C6orf58: variants seen among roughly 807,000 people sequenced by gnomAD.
C6orf58 encodes protein LEG1 homolog.
Under a neutral mutation model 37.0 loss-of-function variants are expected in C6orf58, and 30 were observed. The ratio of observed to expected loss-of-function variants is 0.81; its 90% confidence interval spans 0.61 to 1.10. The LOEUF (loss-of-function observed/expected upper bound fraction) is 1.10, where lower values mean the gene tolerates loss of function less well. Among genes scored for constraint, C6orf58 ranks in the 50% least tolerant of loss-of-function variants. The pLI is 0.00. For missense variants in C6orf58, 368 were observed against 387.5 expected (o/e 0.95, Z 0.42); for synonymous variants, 143 against 134.1 (o/e 1.07, Z -0.46).
intron 4 of C6orf58, among the ~76,000 whole-genome samples, chr6:127,584,783 C>CAA (rs34714127): frequency 4.2e-5 from 5 of 119,644 alleles, no homozygotes; most frequent in Non-Finnish European, 5.5e-5. Context: ...ACTCCATCTC[C>CAA]AAAAAAAAAA....
intron 4 of C6orf58, among the ~76,000 whole-genome samples, chr6:127,588,021 C>G (rs1775123822): frequency 6.6e-6 from 1 of 152,162 alleles, no homozygotes; most frequent in Admixed American, 6.5e-5. Flanking sequence ...TGTTGTACAA[C>G]TGTGTTTATT....
intron 4 of C6orf58, among the ~76,000 whole-genome samples, chr6:127,588,697 G>T (rs1457192877): frequency 2.0e-5 from 3 of 152,120 alleles, no homozygotes; most frequent in Non-Finnish European, 1.5e-5. Context: ...TGATGCATTT[G>T]AAGAGTTTAT....
At chr6:127,590,608 A>G (rs976081496) in intron 5 of C6orf58, among the ~76,000 whole-genome samples, 2 of 152,074 alleles carry the variant, frequency 1.3e-5, no homozygotes, top group Admixed American at 6.6e-5. Context: ...TTTGTTCTAC[A>G]TACCGATATA....
At chr6:127,587,900 C>T (rs878964288) in intron 4 of C6orf58, among the ~76,000 whole-genome samples, 1 of 152,172 alleles carries the variant, frequency 6.6e-6, no homozygotes, top group Non-Finnish European at 1.5e-5. Flanking sequence ...ATTTTAAAGG[C>T]AAATTGACAG....
chr6:127,577,273 C>G lies in C6orf58; in HGVS notation c.88C>G (p.Pro30Ala), dbSNP rs778407925. 2 of 1,610,628 alleles carry G rather than the reference C, an allele frequency of 1.2e-6. No homozygotes were observed. Among genetic ancestry groups the G allele is most frequent in the African/African-American group, 2.7e-5 (2 of 74,836 alleles). The change falls in exon 1 of 6, where the codon CCC (proline) becomes GCC (alanine). Residue 30 changes from proline to alanine, a missense_variant. By Grantham distance (27) the Pro-to-Ala change is conservative. Transcript: ENST00000329722. ...GACTTCCAATCTCTCAGAGACAGAG[C>G]CCCCTCTGTGGAAGGAGAGTCCTGG... ...AGTSNLSETE[P>A]PLWKESPGQL...
In C6orf58 at chr6:127,577,424, C is replaced by G; in HGVS notation, c.239C>G (p.Pro80Arg). 1.2e-6 allele frequency: 2 copies of G among 1,613,560 alleles called. No homozygotes were observed. Among genetic ancestry groups the G allele is most frequent in the South Asian group, 2.2e-5 (2 of 91,070 alleles). The change falls in exon 1 of 6, where the codon CCA becomes CGA. Residue 80 changes from proline to arginine, a missense_variant. Transcript: ENST00000329722. ...GCCAGGTATTTTGCAAAATTTGCAC[C>G]AGATAATGAACAGAATATTTTATGG... ...QTARYFAKFAPDNEQNILWGL... is the reference protein window; with the variant it reads ...QTARYFAKFARDNEQNILWGL...
Position 127,581,176 on chromosome 6 carries a change from C to T in C6orf58, c.574-6C>T. ...AATATTAATAAATTTGACCTCTTTA[C>T]CTTAGTATTTGCAGTCACCTTTTAG... On this transcript the variant is annotated splice_polypyrimidine_tract_variant and splice_region_variant and intron_variant, in intron 3 of 5. Transcript: ENST00000329722. 7.1e-7 allele frequency: 1 copy of T among 1,408,470 alleles called. No homozygotes were observed. The highest frequency in any genetic ancestry group is 9.6e-7 in the Non-Finnish European group (1 of 1,039,030). The allele number at this position is 1,408,470 out of a possible 1,614,324, so 87.2% of individuals were successfully genotyped here.
intron 4 of C6orf58, among the ~76,000 whole-genome samples, chr6:127,585,615 C>T (rs1775099117): frequency 6.6e-6 from 1 of 152,092 alleles, no homozygotes; most frequent in Non-Finnish European, 1.5e-5. Flanking sequence ...TAAAGAAAAA[C>T]TTTTCACAGT....
In C6orf58 at chr6:127,578,778, T is replaced by C. The variant is rs200544940; in HGVS notation, c.388+6T>C. 6.9e-6 allele frequency: 11 copies of C among 1,602,070 alleles called. No homozygotes were observed. The highest frequency in any genetic ancestry group is 9.4e-6 in the Non-Finnish European group (11 of 1,170,098). On this transcript the variant is annotated splice_donor_region_variant and intron_variant, in intron 2 of 5. Coordinates refer to ENST00000329722, the MANE Select transcript of C6orf58 (RefSeq NM_001010905.3). ...TGTGGACAGTTGGTGGGCTGGTATG[T>C]TCGTTTAAGTGGCAAAATAGATATT...
intron 4 of C6orf58, among the ~76,000 whole-genome samples, chr6:127,588,157 T>G (rs1775125096): frequency 1.3e-5 from 2 of 152,230 alleles, no homozygotes; most frequent in South Asian, 4.1e-4. Context: ...CCCCGTCTCA[T>G]TCTACATCAG....
In C6orf58 at chr6:127,578,780, C is replaced by T. The variant is rs141247870; in HGVS notation, c.388+8C>T. On this transcript the variant is annotated splice_region_variant and intron_variant, in intron 2 of 5. Transcript: ENST00000329722. ...TGGACAGTTGGTGGGCTGGTATGTT[C>T]GTTTAAGTGGCAAAATAGATATTAA... is the stretch of plus-strand genomic sequence containing the variant. 4.4e-4 allele frequency: 705 copies of T among 1,598,654 alleles called. 10 individuals are homozygous for T. In the East Asian group the frequency reaches 0.015, roughly 34 times the overall value.
chr6:127,587,658 C>T (rs886660688), intron 4 of C6orf58, among the ~76,000 whole-genome samples: 1 of 152,110 alleles, frequency 6.6e-6, no homozygotes, highest in Admixed American at 6.6e-5. Flanking sequence ...TTTGAAGTTC[C>T]ACAGACCTGA....
chr6:127,577,748 T>A lies in C6orf58; in HGVS notation c.301+262T>A, dbSNP rs115930075. Among the ~76,000 whole-genome samples, 647 of 152,280 alleles carry A rather than the reference T, an allele frequency of 4.2e-3. 6 individuals are homozygous for A. The highest frequency in any genetic ancestry group is 0.015 in the African/African-American group (622 of 41,580). On this transcript the variant is annotated intron_variant, in intron 1 of 5. Coordinates refer to ENST00000329722, the MANE Select transcript of C6orf58 (RefSeq NM_001010905.3). ...CTGTGAAAAGACATCACATCTCATC[T>A]ATTGAGCATTTCACAAATATTTGTT... is the stretch of plus-strand genomic sequence containing the variant.
chr6:127,580,189 C>T, intron 2 of C6orf58, 76 bp from the exon 3 acceptor site: 5 of 1,158,128 alleles, frequency 4.3e-6, no homozygotes, highest in East Asian at 2.4e-5. Flanking sequence ...TTTTTTATGA[C>T]TTATGCCTTC....
In C6orf58 at chr6:127,577,392, T is replaced by A. The variant is rs147056569; in HGVS notation, c.207T>A (p.Asn69Lys). Residue 69 changes from asparagine (N) to lysine (K), a missense_variant, in exon 1 of 6, where the codon AAT (asparagine) becomes AAA (lysine). Coordinates refer to ENST00000329722, the MANE Select transcript of C6orf58 (RefSeq NM_001010905.3). Reference protein sequence around the residue: ...ERMGMYKIILNQTARYFAKFA... With the variant: ...ERMGMYKIILKQTARYFAKFA... ...TGGGGATGTATAAAATCATATTGAA[T>A]CAGACAGCCAGGTATTTTGCAAAAT... is the stretch of plus-strand genomic sequence containing the variant. 5.1e-5 allele frequency: 82 copies of A among 1,613,584 alleles called. No homozygotes were observed. In the African/African-American group the frequency reaches 1.0e-3, roughly 20 times the overall value.
At chr6:127,591,155 T>C (rs2114303013) in intron 5 of C6orf58, among the ~76,000 whole-genome samples, 1 of 152,288 alleles carries the variant, frequency 6.6e-6, no homozygotes, top group South Asian at 2.1e-4. Context: ...CCAAGTCTTC[T>C]TCATTCTGTG....
At chr6:127,583,855 C>T (rs1775076105) in intron 4 of C6orf58, among the ~76,000 whole-genome samples, 1 of 152,108 alleles carries the variant, frequency 6.6e-6, no homozygotes, top group Non-Finnish European at 1.5e-5. Flanking sequence ...TTTAGAAGAA[C>T]ATGAGATATA....
At chr6:127,584,857 G>T (rs1297694041) in intron 4 of C6orf58, among the ~76,000 whole-genome samples, 3 of 151,848 alleles carry the variant, frequency 2.0e-5, no homozygotes, top group African/African-American at 4.8e-5. Context: ...GGTTATCATA[G>T]GTAATTTGAC....
chr6:127,588,160 T>A lies in C6orf58; in HGVS notation c.675-1927T>A, dbSNP rs575827604. ...CTCAGCTCTGTTCCCCGTCTCATTC[T>A]ACATCAGACAAGCCTGGTTGTTTTC... On this transcript the variant is annotated intron_variant, in intron 4 of 5. Transcript: ENST00000329722. Among the ~76,000 whole-genome samples the A allele has an allele frequency of 1.5e-4, 23 of 152,374 alleles. No individual in the cohort carries two copies. The South Asian group carries it at 4.6e-3, about 30-fold the overall frequency.
Sources: allele counts gnomAD v4.1 joint callset (sites outside exome capture counted in the v4.1 genomes callset), GRCh38; gene constraint gnomAD v4.1.1; transcripts MANE v1.5; gene names NCBI Gene and HGNC (gene_info 2026-07-23, HGNC 2026-07-21).